Variants in LRRC36 observed in about 807,000 individuals in gnomAD.
LRRC36 encodes leucine-rich repeat-containing protein 36.
In LRRC36, 62 loss-of-function variants were observed where a neutral mutation model predicts 81.1. The observed-to-expected ratio is 0.76, with a 90% CI of 0.62 to 0.94. The LOEUF (loss-of-function observed/expected upper bound fraction) is 0.94. LRRC36 is among the 40% of genes least tolerant of loss of function. The pLI, the probability that LRRC36 is intolerant of heterozygous loss-of-function variation, is 0.00. For synonymous variants in LRRC36, 334 were observed against 348.6 expected (o/e 0.96, Z 0.47); for missense variants, 761 against 881.7 (o/e 0.86, Z 1.73).
At chr16:67,328,992 C>T (rs1178543547) in intron 1 of LRRC36, among the ~76,000 whole-genome samples, 2 of 152,180 alleles carry the variant, frequency 1.3e-5, no homozygotes, top group Non-Finnish European at 2.9e-5. Context: ...TCACTGTAAT[C>T]TCCACCTCCG....
intron 5 of LRRC36, among the ~76,000 whole-genome samples, chr16:67,357,716 G>T (rs1281976150): frequency 6.6e-6 from 1 of 152,140 alleles, no homozygotes; most frequent in African/African-American, 2.4e-5. Context: ...AAGAGCAAAC[G>T]GCTGAAGTGC....
chr16:67,350,311 T>A, intron 5 of LRRC36, 21 bp downstream of exon 5: 1 of 1,570,120 alleles, frequency 6.4e-7, no homozygotes. Context: ...TCCCTGTGAT[T>A]ATAAAATGAT....
At chr16:67,328,638 T>C (rs2037326415) in intron 1 of LRRC36, among the ~76,000 whole-genome samples, 1 of 152,192 alleles carries the variant, frequency 6.6e-6, no homozygotes, top group South Asian at 2.1e-4. Context: ...TTGGATAGTT[T>C]TCCAGAAATA....
At chr16:67,340,799 TATACTCTATAGAATATATACC>T (rs2037999965) in intron 1 of LRRC36, among the ~76,000 whole-genome samples, 1 of 147,282 alleles carries the variant, frequency 6.8e-6, no homozygotes, top group African/African-American at 2.5e-5. Context: ...ATATACCACA[TATACTCTATAGAATATATACC>T]ACATATACTC....
chr16:67,346,303 C>T lies in LRRC36; in HGVS notation c.246C>T (p.Asn82=). 1 of 1,611,220 alleles carries T rather than the reference C, an allele frequency of 6.2e-7. No homozygotes were observed. Among genetic ancestry groups the T allele is most frequent in the Non-Finnish European group, 8.5e-7 (1 of 1,177,964 alleles). Residue 82 remains asparagine, a synonymous_variant, in exon 3 of 14, where the codon AAC becomes AAT. Coordinates refer to ENST00000329956, the MANE Select transcript of LRRC36 (RefSeq NM_018296.6). ...CSLQDLNLYY[N]NIPSLVEVSR... is the part of the protein sequence containing the mutation. ...TCCAAGACCTGAATTTATATTATAA[C>T]AACATTCCTTCATTAGTGGAAGTGT...
intron 1 of LRRC36, among the ~76,000 whole-genome samples, chr16:67,340,666 G>GA (rs111828199): frequency 1.1e-4 from 17 of 150,560 alleles, no homozygotes; most frequent in African/African-American, 3.9e-4. Flanking sequence ...AAAAAAAATA[G>GA]AAAAAAAAGT....
chr16:67,383,071 C>CAAAAAA (rs59297593), intron 13 of LRRC36, among the ~76,000 whole-genome samples: 4 of 44,360 alleles, frequency 9.0e-5, no homozygotes, highest in Non-Finnish European at 2.2e-4. Context: ...GGCTCCGTCT[C>CAAAAAA]AAAAAAAAAA....
intron 1 of LRRC36, among the ~76,000 whole-genome samples, chr16:67,330,707 C>CA (rs747586772): frequency 2.6e-5 from 4 of 151,530 alleles, no homozygotes; most frequent in East Asian, 1.9e-4. Context: ...ACTAAAAATA[C>CA]AAAAAAAATT....
At chr16:67,366,729 G>A (rs757907982) in intron 7 of LRRC36, among the ~76,000 whole-genome samples, 2 of 149,502 alleles carry the variant, frequency 1.3e-5, no homozygotes, top group South Asian at 2.1e-4. Context: ...CAGCCTGGGC[G>A]ACAGAGTGAG....
chr16:67,333,350 T>G (rs1022155554), intron 1 of LRRC36, among the ~76,000 whole-genome samples: 2 of 152,100 alleles, frequency 1.3e-5, no homozygotes, highest in Non-Finnish European at 2.9e-5. Flanking sequence ...CAGGCTGGTC[T>G]TGAACTCCTG....
At chr16:67,328,203 G>A (rs919789897) in intron 1 of LRRC36, among the ~76,000 whole-genome samples, 4 of 152,090 alleles carry the variant, frequency 2.6e-5, no homozygotes, top group South Asian at 2.1e-4. Flanking sequence ...AATTTATTCT[G>A]TGGGTAATAT....
chr16:67,375,888 C>T (rs959652822), intron 10 of LRRC36, among the ~76,000 whole-genome samples: 3 of 152,134 alleles, frequency 2.0e-5, no homozygotes, highest in Admixed American at 6.5e-5. Context: ...TGGGAGAAAA[C>T]AGTTTTGCAA....
At chr16:67,334,263 C>T (rs1481951584) in intron 1 of LRRC36, among the ~76,000 whole-genome samples, 1 of 151,970 alleles carries the variant, frequency 6.6e-6, no homozygotes, top group East Asian at 1.9e-4. Context: ...TCGTGATCCG[C>T]CCGCCTCGGC....
At chr16:67,342,927 C>T (rs910866645) in intron 2 of LRRC36, among the ~76,000 whole-genome samples, 2 of 152,132 alleles carry the variant, frequency 1.3e-5, no homozygotes, top group African/African-American at 2.4e-5. Context: ...CAAGGTTTAG[C>T]TAAGGGCCTA....
intron 1 of LRRC36, 147 bp downstream of exon 1, chr16:67,327,079 T>G: frequency 1.0e-5 from 7 of 697,008 alleles, no homozygotes; most frequent in African/African-American, 4.1e-5. Flanking sequence ...GGGGATAACT[T>G]GAGGCAGAAG....
At chr16:67,338,965 G>A (rs528909568) in intron 1 of LRRC36, among the ~76,000 whole-genome samples, 76 of 133,380 alleles carry the variant, frequency 5.7e-4, no homozygotes, top group Non-Finnish European at 9.6e-4. Context: ...TGCGATCTTG[G>A]CTCACTGCAA....
At chr16:67,359,758 A>G (rs1323245284) in intron 5 of LRRC36, among the ~76,000 whole-genome samples, 2 of 152,198 alleles carry the variant, frequency 1.3e-5, no homozygotes, top group Non-Finnish European at 2.9e-5. Context: ...AGTAATGCCA[A>G]TAACAAGATT....
At chr16:67,356,792 T>G (rs1208458238) in intron 5 of LRRC36, among the ~76,000 whole-genome samples, 1 of 152,074 alleles carries the variant, frequency 6.6e-6, no homozygotes, top group Non-Finnish European at 1.5e-5. Flanking sequence ...AGTTGGGCAT[T>G]AAAATAGAGT....
chr16:67,330,965 C>T (rs2037453698), intron 1 of LRRC36, among the ~76,000 whole-genome samples: 1 of 151,996 alleles, frequency 6.6e-6, no homozygotes, highest in Non-Finnish European at 1.5e-5. Context: ...TGATTTGGCT[C>T]ATGGTTCTGG....
Sources: gnomAD v4.1 joint callset for allele counts (sites outside exome capture counted in the v4.1 genomes callset) on GRCh38, gnomAD v4.1.1 for gene constraint, MANE v1.5 for transcripts, NCBI Gene and HGNC (gene_info 2026-07-23, HGNC 2026-07-21) for gene names.